Variants in OLFML2A observed in about 807,000 individuals in gnomAD.
OLFML2A encodes olfactomedin-like protein 2A.
In OLFML2A, 47 loss-of-function variants were observed where a neutral mutation model predicts 60.9. The observed-to-expected ratio is 0.77, with a 90% confidence interval of 0.61 to 0.98. The LOEUF (loss-of-function observed/expected upper bound fraction) is 0.98, where lower values mean the gene tolerates loss of function less well. OLFML2A is among the 50% of genes least tolerant of loss of function. The pLI is 0.00. For synonymous variants in OLFML2A, 372 were observed against 375.0 expected, an observed-to-expected ratio of 0.99 and a Z score of 0.09; for missense variants, 922 against 879.8, an observed-to-expected ratio of 1.05 and a Z score of -0.61.
At position 124,810,404 on chromosome 9, in the gene OLFML2A, G is replaced by T; in HGVS notation, c.1951G>T (p.Val651Leu). 1 of 1,594,574 alleles carries T rather than the reference G, an allele frequency of 6.3e-7. No individual in the cohort carries two copies. Among genetic ancestry groups the T allele is most frequent in the Non-Finnish European group, 8.5e-7 (1 of 1,176,068 alleles). The change falls in exon 8 of 8, where the codon GTG (valine) becomes TTG (leucine). Residue 651 changes from valine (V) to leucine (L), a missense_variant. Physicochemically the swap from Val to Leu is conservative, Grantham distance 32. Transcript: ENST00000373580. The stretch of plus-strand genomic sequence containing the variant: ...CCAGCTCACCTACACCCTCCACTTC[G>T]TGGTCTGAGTGGAGACCTGTGCTCC... ...GHQLTYTLHFVV is the reference protein window; with the variant it reads ...GHQLTYTLHFLV
Position 124,810,888 on chromosome 9 carries a change from C to T in OLFML2A, c.*476C>T, listed in dbSNP as rs2416952. On this transcript the variant is annotated 3_prime_UTR_variant, in exon 8 of 8. Transcript: ENST00000373580. ...CCCAGGGCCACTCAGAACCAGAGGT[C>T]TTTAGGGCCAGTGTACTGGTGTGGG... The T allele has an allele frequency of 0.075, 12,185 of 161,874 alleles. 1,250 individuals carry two copies. The highest frequency in any genetic ancestry group is 0.4 in the East Asian group (2,067 of 5,194). The allele number at this position is 161,874 out of a possible 1,614,324, so 10.0% of individuals were successfully genotyped here.
chr9:124,801,830 G>T (rs572695539), intron 5 of OLFML2A, among the ~76,000 whole-genome samples, 167 bp downstream of exon 5: 2 of 152,348 alleles, frequency 1.3e-5, no homozygotes, highest in Admixed American at 6.5e-5. Context: ...CACTCAGGGG[G>T]TCATTGGGAT....
chr9:124,799,476 T>C lies in OLFML2A; in HGVS notation c.654T>C (p.Thr218=). Residue 218 remains threonine (T), a synonymous_variant, in exon 4 of 8, where the codon ACT becomes ACC. Transcript: ENST00000373580. ...CCCCTGCCACCCCTGCCACGGGCAC[T>C]GGTAGCAAGGCCCAGGTGAGGCCCC... ...AAAPATPATG[T]GSKAQDTARG... is the part of the protein sequence containing the mutation. 1 of 1,599,248 alleles carries C rather than the reference T, an allele frequency of 6.3e-7. No homozygotes were observed. The highest frequency in any genetic ancestry group is 8.5e-7 in the Non-Finnish European group (1 of 1,173,904).
chr9:124,799,469 C>T lies in OLFML2A; in HGVS notation c.647C>T (p.Thr216Met), dbSNP rs539285023. The T allele has an allele frequency of 6.7e-5, 108 of 1,603,176 alleles. No homozygotes were observed. Among genetic ancestry groups the T allele is most frequent in the Admixed American group, 2.8e-4 (16 of 57,940 alleles). The change falls in exon 4 of 8, where the codon ACG becomes ATG. Residue 216 changes from threonine (T) to methionine (M), a missense_variant. Transcript: ENST00000373580. Reference protein sequence around the residue: ...DAAAAPATPATGTGSKAQDTA... With the variant: ...DAAAAPATPAMGTGSKAQDTA... ...GCCGCCGCCCCTGCCACCCCTGCCACGGGCACTGGTAGCAAGGCCCAGGTG... is the reference window on the plus strand; with the variant it reads ...GCCGCCGCCCCTGCCACCCCTGCCATGGGCACTGGTAGCAAGGCCCAGGTG...
chr9:124,808,369 G>A (rs1011222876), intron 7 of OLFML2A, among the ~76,000 whole-genome samples: 2 of 152,206 alleles, frequency 1.3e-5, no homozygotes, highest in Non-Finnish European at 2.9e-5. Flanking sequence ...TGTTTTATAG[G>A]TGCGCAGTGT....
At chr9:124,796,281 A>C (rs1363866087) in intron 3 of OLFML2A, among the ~76,000 whole-genome samples, 2 of 152,192 alleles carry the variant, frequency 1.3e-5, no homozygotes, top group African/African-American at 4.8e-5. Context: ...GAAAGCTGAC[A>C]CTTGGTGAAT....
intron 1 of OLFML2A, among the ~76,000 whole-genome samples, chr9:124,784,139 G>T (rs139853758): frequency 1.3e-5 from 2 of 152,198 alleles, no homozygotes; most frequent in East Asian, 1.9e-4. Flanking sequence ...TGAAGGCCAC[G>T]GTAAGGGCTT....
At chr9:124,781,940 T>C (rs1206198347) in intron 1 of OLFML2A, among the ~76,000 whole-genome samples, 1 of 152,250 alleles carries the variant, frequency 6.6e-6, no homozygotes, top group Non-Finnish European at 1.5e-5. Flanking sequence ...GGAATTTCCT[T>C]GCAAATACCT....
chr9:124,782,159 C>G, intron 1 of OLFML2A, among the ~76,000 whole-genome samples: 1 of 152,262 alleles, frequency 6.6e-6, no homozygotes, highest in Non-Finnish European at 1.5e-5. Context: ...ACAGACCCAT[C>G]TGTCCCAGCC....
chr9:124,797,470 AG>A, intron 3 of OLFML2A, among the ~76,000 whole-genome samples: 2 of 152,198 alleles, frequency 1.3e-5, no homozygotes, highest in Non-Finnish European at 2.9e-5. Flanking sequence ...TTTGAATCCA[AG>A]GGTATCCGAC....
At chr9:124,790,855 G>T (rs1446452056) in intron 2 of OLFML2A, among the ~76,000 whole-genome samples, 1 of 152,192 alleles carries the variant, frequency 6.6e-6, no homozygotes, top group East Asian at 1.9e-4. Context: ...ACAGGATGGG[G>T]CTGGGGCACC....
chr9:124,812,707 T>A lies in OLFML2A; in HGVS notation c.*2295T>A, dbSNP rs1481594985. On this transcript the variant is annotated 3_prime_UTR_variant, in exon 8 of 8. Coordinates refer to ENST00000373580, the MANE Select transcript of OLFML2A (RefSeq NM_182487.4). ...GCCCTGGGTGTGGGTTTTACAAGAC[T>A]GTGTCTTTCATGACATCATAGCCCA... 3 of 152,138 alleles carry A rather than the reference T, an allele frequency of 2.0e-5. No individual in the cohort carries two copies. Among genetic ancestry groups the A allele is most frequent in the African/African-American group, 4.8e-5 (2 of 41,424 alleles). The allele number at this position is 152,138 out of a possible 1,614,324, so 9.4% of individuals were successfully genotyped here.
At position 124,790,118 on chromosome 9, in the gene OLFML2A, G is replaced by A. The variant is rs374721130; in HGVS notation, c.354+2880G>A. On this transcript the variant is annotated intron_variant, in intron 2 of 7. Coordinates refer to ENST00000373580, the MANE Select transcript of OLFML2A (RefSeq NM_182487.4). ...AGCTTTACTAGTGGGAGAATCTGAG[G>A]CCCAAAGAGGGGCTATGGCCTAAGA... 1.1e-3 allele frequency among the ~76,000 whole-genome samples: 174 copies of A among 152,280 alleles called. 1 individual carries two copies. The highest frequency in any genetic ancestry group is 3.7e-3 in the African/African-American group (155 of 41,558).
intron 4 of OLFML2A, chr9:124,800,974 C>T: frequency 6.5e-7 from 1 of 1,547,188 alleles, no homozygotes. Flanking sequence ...AGGAATGTTC[C>T]AGGCACTCTG....
In OLFML2A at chr9:124,814,560, G is replaced by A. The variant is rs1279582991; in HGVS notation, c.*4148G>A. 3.3e-5 allele frequency: 5 copies of A among 152,210 alleles called. No individual in the cohort carries two copies. The highest frequency in any genetic ancestry group is 7.3e-5 in the Non-Finnish European group (5 of 68,054). 9.4% of individuals were successfully genotyped at this position (152,210 alleles called of 1,614,324 possible). A position where few individuals can be genotyped will look rare whatever the true frequency, so the allele number is the denominator to read the frequency against. Reference sequence around the variant, plus strand: ...CCTGCTCAGGGTCACGTCTCCAACAGGCAGTAGAGTCAAGGTATAAACCAG... The same window carrying A: ...CCTGCTCAGGGTCACGTCTCCAACAAGCAGTAGAGTCAAGGTATAAACCAG... On this transcript the variant is annotated 3_prime_UTR_variant, in exon 8 of 8. Coordinates refer to ENST00000373580, the MANE Select transcript of OLFML2A (RefSeq NM_182487.4).
At chr9:124,783,203 A>T (rs1247527415) in intron 1 of OLFML2A, among the ~76,000 whole-genome samples, 1 of 151,974 alleles carries the variant, frequency 6.6e-6, no homozygotes, top group Non-Finnish European at 1.5e-5. Flanking sequence ...CAGGCATGGT[A>T]GCTCACGCCT....
intron 1 of OLFML2A, among the ~76,000 whole-genome samples, chr9:124,778,254 C>T (rs976767608): frequency 1.3e-4 from 19 of 151,434 alleles, no homozygotes; most frequent in Non-Finnish European, 2.4e-4. Flanking sequence ...CCAGCTACTC[C>T]GGAAGCTGAG....
At chr9:124,809,774 G>A (rs1189419112) in intron 7 of OLFML2A, 34 bp from the exon 8 acceptor site, 1 of 1,556,700 alleles carries the variant, frequency 6.4e-7, no homozygotes, top group Non-Finnish European at 8.7e-7. Context: ...GGGTTGCTCG[G>A]GAGGTCTGGG....
At position 124,804,234 on chromosome 9, in the gene OLFML2A, A is replaced by C. The variant is rs933736341; in HGVS notation, c.1060A>C (p.Thr354Pro). The C allele has an allele frequency of 6.2e-6, 10 of 1,612,914 alleles. No individual in the cohort carries two copies. Among genetic ancestry groups the C allele is most frequent in the Non-Finnish European group, 8.5e-6 (10 of 1,179,688 alleles). The change falls in exon 6 of 8, where the codon ACC becomes CCC. Residue 354 changes from threonine to proline, a missense_variant. Coordinates refer to ENST00000373580, the MANE Select transcript of OLFML2A (RefSeq NM_182487.4). ...CGAGCGAGTGGACCTGGCTTCTGGC[A>C]CCCCCACTTCAATCCCTGCCACCAC... is the stretch of plus-strand genomic sequence containing the variant. ...SSERVDLASG[T>P]PTSIPATTTT...
Sources: gnomAD v4.1 joint callset for allele counts (sites outside exome capture counted in the v4.1 genomes callset) on GRCh38, gnomAD v4.1.1 for gene constraint, MANE v1.5 for transcripts, NCBI Gene and HGNC (gene_info 2026-07-23, HGNC 2026-07-21) for gene names.